Variants in ADGRV1 observed in about 807,000 individuals in gnomAD.
The protein encoded by ADGRV1 is G-protein coupled receptor 98.
ADGRV1 carries 359 observed loss-of-function variants against 596.2 expected under a neutral mutation model. The ratio of observed to expected loss-of-function variants is 0.60; its 90% confidence interval spans 0.55 to 0.66. ADGRV1 has a LOEUF of 0.66. Ranked by LOEUF, ADGRV1 falls within the 30% of genes least tolerant of loss-of-function variation. The probability of loss-of-function intolerance (pLI) is 0.00; values close to 1 mark genes in which losing one functional copy is unlikely to be tolerated. For missense variants in ADGRV1, 7,274 were observed against 7,575.6 expected (o/e 0.96, Z 1.48); for synonymous variants, 2,681 against 2,679.2 (o/e 1.00, Z -0.02).
chr5:90,811,082 G>A lies in ADGRV1; in HGVS notation c.15822G>A (p.Leu5274=). Residue 5274 remains leucine, a synonymous_variant, in exon 74 of 90, where the codon TTG becomes TTA. Coordinates refer to ENST00000405460, the MANE Select transcript of ADGRV1 (RefSeq NM_032119.4). ...ERCAQMEPNA[L]PFRGIYGISN... ...GTGCTCAGATGGAACCAAATGCATT[G>A]CCCTTTCGTGGTATCTATGGGATTT... 2.5e-6 allele frequency: 4 copies of A among 1,613,916 alleles called. No homozygotes were observed. The highest frequency in any genetic ancestry group is 3.4e-6 in the Non-Finnish European group (4 of 1,179,802).
chr5:90,734,704 G>A (rs1452350287), intron 50 of ADGRV1, among the ~76,000 whole-genome samples: 1 of 149,850 alleles, frequency 6.7e-6, no homozygotes, highest in African/African-American at 2.5e-5. Flanking sequence ...TTCTGCCTCA[G>A]CCTCCCGAGT....
chr5:90,838,486 T>G (rs772923102), intron 77 of ADGRV1, among the ~76,000 whole-genome samples: 22 of 152,158 alleles, frequency 1.4e-4, no homozygotes, highest in Non-Finnish European at 2.9e-4. Context: ...GACTTCCACA[T>G]TTTTATCACT....
chr5:90,704,337 T>G, intron 35 of ADGRV1, 52 bp from the exon 36 acceptor site: 1 of 1,032,922 alleles, frequency 9.7e-7, no homozygotes, highest in Non-Finnish European at 1.4e-6. Flanking sequence ...AAGCAGGAGA[T>G]AGTTCATATT....
chr5:90,563,910 G>A (rs928003374), intron 1 of ADGRV1, among the ~76,000 whole-genome samples: 4 of 152,148 alleles, frequency 2.6e-5, no homozygotes, highest in African/African-American at 9.7e-5. Context: ...CCACTGTATG[G>A]TATGGTAATC....
At position 90,774,235 on chromosome 5, in the gene ADGRV1, T is replaced by G. The variant is rs550815037; in HGVS notation, c.12335T>G (p.Leu4112Trp). 63 of 1,611,870 alleles carry G rather than the reference T, an allele frequency of 3.9e-5. No individual in the cohort carries two copies. The East Asian group carries it at 1.0e-3, about 26-fold the overall frequency. Residue 4112 changes from leucine (L) to tryptophan (W), a missense_variant, in exon 60 of 90, where the codon TTG becomes TGG. Coordinates refer to ENST00000405460, the MANE Select transcript of ADGRV1 (RefSeq NM_032119.4). ...IVLHTLQDTV[L>W]EEDRRFTIQL... ...TTGCACACACTTCAAGACACAGTGT[T>G]GGAGGAGGACAGGCGTTTCACCATT... is the stretch of plus-strand genomic sequence containing the variant.
chr5:91,096,475 G>T (rs1001727677), intron 86 of ADGRV1, among the ~76,000 whole-genome samples: 1 of 152,158 alleles, frequency 6.6e-6, no homozygotes. Context: ...CTACTTGCTG[G>T]TTTGTTGTTT....
intron 83 of ADGRV1, among the ~76,000 whole-genome samples, chr5:90,867,535 C>G (rs1031386198): frequency 6.6e-6 from 1 of 152,152 alleles, no homozygotes; most frequent in African/African-American, 2.4e-5. Context: ...AAAGATTCTG[C>G]TTTAATCTGG....
intron 87 of ADGRV1, among the ~76,000 whole-genome samples, chr5:91,125,815 A>G (rs190580854): frequency 7.9e-5 from 12 of 152,378 alleles, no homozygotes; most frequent in Admixed American, 6.5e-4. Context: ...TTTGAGGTAT[A>G]TCAGATGAAA....
intron 9 of ADGRV1, 154 bp downstream of exon 9, chr5:90,629,693 A>T: frequency 1.7e-6 from 1 of 588,342 alleles, no homozygotes; most frequent in Admixed American, 3.0e-5. Flanking sequence ...AAGAGAGATT[A>T]TGCCTGCTCC....
intron 83 of ADGRV1, among the ~76,000 whole-genome samples, chr5:90,939,386 G>A (rs895068578): frequency 2.0e-5 from 3 of 152,096 alleles, no homozygotes; most frequent in Non-Finnish European, 2.9e-5. Flanking sequence ...GAGCAATGAC[G>A]ATTAGGTTAA....
At position 90,745,142 on chromosome 5, in the gene ADGRV1, A is replaced by G. The variant is rs774218824; in HGVS notation, c.10646A>G (p.Tyr3549Cys). 1 of 1,613,672 alleles carries G rather than the reference A, an allele frequency of 6.2e-7. No individual in the cohort carries two copies. Among genetic ancestry groups the G allele is most frequent in the Non-Finnish European group, 8.5e-7 (1 of 1,179,714 alleles). Reference protein sequence around the residue: ...FSFVLEVPSAYDVASVTVKSL... With the variant: ...FSFVLEVPSACDVASVTVKSL... The stretch of plus-strand genomic sequence containing the variant: ...TTTGTTCTGGAAGTACCTTCTGCTT[A>G]TGATGTGGCTTCTGTTACAGTAAAG... Residue 3549 changes from tyrosine to cysteine, a missense_variant, in exon 51 of 90, where the codon TAT (tyrosine) becomes TGT (cysteine). Physicochemically the swap from Tyr to Cys is radical, Grantham distance 194. This residue lies in a region of ADGRV1 where 3,643 missense variants were observed against 3,809.2 expected (regional missense o/e 0.96). Coordinates refer to ENST00000405460, the MANE Select transcript of ADGRV1 (RefSeq NM_032119.4).
intron 34 of ADGRV1, among the ~76,000 whole-genome samples, chr5:90,697,726 T>C (rs1327417711): frequency 6.6e-6 from 1 of 152,162 alleles, no homozygotes; most frequent in Non-Finnish European, 1.5e-5. Context: ...TTACATCATA[T>C]GTAGGGTTTT....
intron 55 of ADGRV1, 111 bp from the exon 56 acceptor site, chr5:90,756,343 C>A: frequency 2.9e-6 from 2 of 679,320 alleles, no homozygotes. Flanking sequence ...CAGAGCTGCC[C>A]ATTCCTGTGA....
chr5:90,763,255 C>T, intron 58 of ADGRV1, 50 bp from the exon 59 acceptor site: 3 of 1,308,932 alleles, frequency 2.3e-6, no homozygotes, highest in Non-Finnish European at 3.1e-6. Context: ...GTTTATCCTG[C>T]TCTTTTTGTT....
intron 80 of ADGRV1, 147 bp from the exon 81 acceptor site, chr5:90,853,915 C>T: frequency 1.5e-6 from 1 of 648,412 alleles, no homozygotes; most frequent in Non-Finnish European, 2.7e-6. Context: ...ATCAGATGTC[C>T]TGCATGCATA....
At chr5:90,571,981 C>T (rs978507455) in intron 1 of ADGRV1, among the ~76,000 whole-genome samples, 7 of 152,072 alleles carry the variant, frequency 4.6e-5, no homozygotes, top group Admixed American at 1.3e-4. Context: ...CTAGTTTTCT[C>T]ATTATTTTTA....
At chr5:90,917,854 A>G (rs1179326016) in intron 83 of ADGRV1, among the ~76,000 whole-genome samples, 2 of 152,012 alleles carry the variant, frequency 1.3e-5, no homozygotes, top group African/African-American at 2.4e-5. Flanking sequence ...TTGTACCATC[A>G]TCATCTTCAT....
chr5:90,587,043 C>CTAGT (rs1758840379), intron 1 of ADGRV1, among the ~76,000 whole-genome samples: 1 of 152,120 alleles, frequency 6.6e-6, no homozygotes, highest in Non-Finnish European at 1.5e-5. Context: ...AGTTTGTGCC[C>CTAGT]TAGTTACCTT....
intron 28 of ADGRV1, among the ~76,000 whole-genome samples, chr5:90,685,518 G>C (rs1038939469): frequency 2.6e-5 from 4 of 151,934 alleles, no homozygotes; most frequent in Non-Finnish European, 5.9e-5. Context: ...TCAGGAAGCG[G>C]AGGTTGTGGT....
Sources: gnomAD v4.1 joint callset for allele counts (sites outside exome capture counted in the v4.1 genomes callset) on GRCh38, gnomAD v4.1.1 for gene constraint, gnomAD v4.1.1 regional missense constraint, MANE v1.5 for transcripts, NCBI Gene and HGNC (gene_info 2026-07-23, HGNC 2026-07-21) for gene names.